Variants in ACOXL observed in about 807,000 individuals in gnomAD.
ACOXL encodes acyl-coenzyme A oxidase-like protein.
In ACOXL, 70 loss-of-function variants were observed where a neutral mutation model predicts 71.9. The ratio of observed to expected loss-of-function variants is 0.97; its 90% confidence interval spans 0.80 to 1.19. The LOEUF is 1.19. Among genes scored for constraint, ACOXL ranks in the 50% most tolerant of loss-of-function variants. ACOXL has a pLI of 0.00. For missense variants in ACOXL, 703 were observed against 736.3 expected, an observed-to-expected ratio of 0.95 and a Z score of 0.52; for synonymous variants, 253 against 281.6, an observed-to-expected ratio of 0.90 and a Z score of 1.02.
At chr2:110,967,066 A>G (rs1039853439) in intron 12 of ACOXL, among the ~76,000 whole-genome samples, 2 of 152,248 alleles carry the variant, frequency 1.3e-5, no homozygotes, top group African/African-American at 4.8e-5. Context: ...TGCGGATACC[A>G]AGAAGAATCC....
intron 11 of ACOXL, among the ~76,000 whole-genome samples, chr2:110,918,114 G>A (rs377264557): frequency 2.6e-5 from 4 of 152,022 alleles, no homozygotes; most frequent in Admixed American, 6.6e-5. Context: ...AATCCTAAGC[G>A]AAAAGAACAA....
chr2:110,851,105 T>C (rs1303593300), intron 10 of ACOXL, among the ~76,000 whole-genome samples: 2 of 152,030 alleles, frequency 1.3e-5, no homozygotes, highest in Non-Finnish European at 2.9e-5. Flanking sequence ...ACTCACCAGG[T>C]GGGTGGAGGA....
chr2:110,969,665 G>A (rs577696303), intron 12 of ACOXL, among the ~76,000 whole-genome samples: 25 of 152,126 alleles, frequency 1.6e-4, no homozygotes, highest in Middle Eastern at 3.4e-3. Context: ...ACAAAAATTA[G>A]CCGGGTGTGA....
chr2:110,977,766 T>G (rs1427044562), intron 12 of ACOXL, among the ~76,000 whole-genome samples: 1 of 152,228 alleles, frequency 6.6e-6, no homozygotes, highest in Non-Finnish European at 1.5e-5. Context: ...CCCCAGAATT[T>G]GATTTTAATG....
intron 10 of ACOXL, among the ~76,000 whole-genome samples, chr2:110,884,646 A>G (rs1037158456): frequency 6.6e-5 from 10 of 152,190 alleles, no homozygotes; most frequent in Admixed American, 3.9e-4. Flanking sequence ...ATCCCAAAAG[A>G]CAATCCCAAA....
intron 3 of ACOXL, among the ~76,000 whole-genome samples, chr2:110,788,656 G>A (rs1448236297): frequency 1.3e-5 from 2 of 152,132 alleles, no homozygotes; most frequent in Non-Finnish European, 1.5e-5. Flanking sequence ...TATTTTACCA[G>A]AAATAAAAAT....
At chr2:111,005,402 G>T (rs2063827615) in intron 14 of ACOXL, among the ~76,000 whole-genome samples, 1 of 152,184 alleles carries the variant, frequency 6.6e-6, no homozygotes, top group African/African-American at 2.4e-5. Context: ...TGGAGAATTG[G>T]TGGAGGCTGG....
intron 1 of ACOXL, among the ~76,000 whole-genome samples, chr2:110,761,574 G>A (rs755575750): frequency 3.3e-5 from 5 of 152,140 alleles, no homozygotes; most frequent in Non-Finnish European, 4.4e-5. Flanking sequence ...AGCTTACATC[G>A]TTGCAAGCTC....
chr2:110,901,355 A>G (rs551578686), intron 10 of ACOXL, among the ~76,000 whole-genome samples: 38 of 152,336 alleles, frequency 2.5e-4, no homozygotes, highest in African/African-American at 8.2e-4. Context: ...CATTGACACC[A>G]GAGCCACAGA....
intron 10 of ACOXL, among the ~76,000 whole-genome samples, chr2:110,863,009 G>T (rs544166057): frequency 1.3e-5 from 2 of 152,162 alleles, no homozygotes; most frequent in African/African-American, 2.4e-5. Context: ...CTGAGTAACC[G>T]AGTAGGTGTT....
At chr2:110,785,022 T>G (rs987935836) in intron 3 of ACOXL, among the ~76,000 whole-genome samples, 1 of 152,254 alleles carries the variant, frequency 6.6e-6, no homozygotes, top group African/African-American at 2.4e-5. Flanking sequence ...CTTCTTTGTA[T>G]AGTTTTGTTA....
chr2:110,865,771 T>G (rs974112921), intron 10 of ACOXL, among the ~76,000 whole-genome samples: 5 of 152,148 alleles, frequency 3.3e-5, no homozygotes, highest in Non-Finnish European at 5.9e-5. Context: ...AAATATGTAG[T>G]TTTATTTGCA....
intron 8 of ACOXL, among the ~76,000 whole-genome samples, chr2:110,804,810 G>A (rs531845704): frequency 1.3e-5 from 2 of 152,270 alleles, no homozygotes; most frequent in East Asian, 3.9e-4. Context: ...GTAGGTGAAT[G>A]GTTGCCAGGG....
intron 9 of ACOXL, among the ~76,000 whole-genome samples, chr2:110,828,348 G>A (rs980596398): frequency 3.3e-5 from 5 of 152,104 alleles, no homozygotes; most frequent in Non-Finnish European, 7.4e-5. Flanking sequence ...GTGCATATTT[G>A]GATTTTCCTT....
intron 9 of ACOXL, among the ~76,000 whole-genome samples, chr2:110,818,425 G>A (rs6727840): frequency 0.8 from 86,397 of 107,554 alleles, 34,858 homozygotes; most frequent in East Asian, 0.93. Context: ...ATATATATAT[G>A]TGTGTGTGTG....
intron 12 of ACOXL, among the ~76,000 whole-genome samples, chr2:110,945,436 GGCA>G (rs2061062675): frequency 6.6e-6 from 1 of 151,170 alleles, no homozygotes; most frequent in Non-Finnish European, 1.5e-5. Flanking sequence ...TGTCCAGAAT[GGCA>G]TTTCCTAGGT....
intron 16 of ACOXL, among the ~76,000 whole-genome samples, chr2:111,077,868 G>C (rs1395780937): frequency 6.6e-6 from 1 of 152,146 alleles, no homozygotes; most frequent in Non-Finnish European, 1.5e-5. Context: ...CCAGATGTTT[G>C]ATTATGATGT....
intron 16 of ACOXL, among the ~76,000 whole-genome samples, chr2:111,084,298 CACACACACACAA>C (rs2068088090): frequency 7.2e-6 from 1 of 138,758 alleles, no homozygotes; most frequent in African/African-American, 2.7e-5. Flanking sequence ...CACACACACA[CACACACACACAA>C]GAAGTGGAAG....
chr2:110,881,881 G>A (rs1043606722), intron 10 of ACOXL, among the ~76,000 whole-genome samples: 1 of 143,440 alleles, frequency 7.0e-6, no homozygotes, highest in African/African-American at 2.5e-5. Flanking sequence ...CTTTACCTGA[G>A]GGACATTGGG....
Sources: gnomAD v4.1 joint callset for allele counts (sites outside exome capture counted in the v4.1 genomes callset) on GRCh38, gnomAD v4.1.1 for gene constraint, MANE v1.5 for transcripts, NCBI Gene and HGNC (gene_info 2026-07-23, HGNC 2026-07-21) for gene names.